MTFP1: variants seen among roughly 807,000 people sequenced by gnomAD.
The protein encoded by MTFP1 is mitochondrial fission process protein 1.
A neutral mutation model predicts 17.1 loss-of-function variants in MTFP1; 19 were observed. The ratio of observed to expected loss-of-function variants is 1.11; its 90% CI spans 0.77 to 1.63. The LOEUF is 1.63. Ranked by LOEUF, MTFP1 falls within the 40% of genes most tolerant of loss-of-function variation. The pLI, the probability that MTFP1 is intolerant of heterozygous loss-of-function variation, is 0.00. For missense variants in MTFP1, 221 were observed against 226.2 expected, an observed-to-expected ratio of 0.98 and a Z score of 0.15; for synonymous variants, 89 against 95.2, an observed-to-expected ratio of 0.93 and a Z score of 0.38.
rs201644368 is a variant in MTFP1 at position 30,428,416 on chromosome 22, A to G, written c.429-46A>G. 1,707 of 1,559,666 alleles carry G rather than the reference A, an allele frequency of 1.1e-3. 7 individuals carry two copies. Among genetic ancestry groups the G allele is most frequent in the Non-Finnish European group, 5.7e-4 (646 of 1,132,914 alleles). On this transcript the variant is annotated intron_variant, in intron 3 of 3. Transcript: ENST00000266263. ...CTGGCCTTCTGCCTTCTGTTCCCTCATGAACACCCTTGGTCACCTGCTCAC... is the reference window on the plus strand; with the variant it reads ...CTGGCCTTCTGCCTTCTGTTCCCTCGTGAACACCCTTGGTCACCTGCTCAC...
chr22:30,427,525 C>A, intron 3 of MTFP1, 122 bp downstream of exon 3: 1 of 1,078,390 alleles, frequency 9.3e-7, no homozygotes. Context: ...GGAGCAATAG[C>A]AGGGACAAGG....
chr22:30,426,811 G>A lies in MTFP1; in HGVS notation c.162G>A (p.Ala54=), dbSNP rs570940932. The part of the protein sequence containing the change: ...SYGVASSYVL[A]DAIDKGKKAG... ...GCGTGGCCAGCTCCTACGTGCTGGCGGATGCCATTGACAAAGGCAAGAAGG... is the reference window on the plus strand; with the variant it reads ...GCGTGGCCAGCTCCTACGTGCTGGCAGATGCCATTGACAAAGGCAAGAAGG... The change falls in exon 2 of 4, where the codon GCG becomes GCA. Residue 54 remains alanine, a synonymous_variant. Transcript: ENST00000266263. 6.8e-6 allele frequency: 11 copies of A among 1,613,120 alleles called. No homozygotes were observed. The East Asian group carries it at 1.6e-4, about 23-fold the overall frequency.
In MTFP1 at chr22:30,428,672, T is replaced by TA. The variant is rs149958301; in HGVS notation, c.*139dup. 1.5e-3 allele frequency: 2,456 copies of TA among 1,614,050 alleles called. 28 individuals are homozygous for TA. The African/African-American group carries it at 0.027, about 18-fold the overall frequency. The stretch of plus-strand genomic sequence containing the variant: ...GGTGGGTTTGAGCTGGACAGAAGCT[T>TA]AGAGACAAAGGCTTCAAGAAGCAGT... On this transcript the variant is annotated 3_prime_UTR_variant, in exon 4 of 4. Transcript: ENST00000266263.
At chr22:30,427,926 C>G (rs1934701141) in intron 3 of MTFP1, among the ~76,000 whole-genome samples, 1 of 152,172 alleles carries the variant, frequency 6.6e-6, no homozygotes, top group Admixed American at 6.5e-5. Flanking sequence ...CCTGCTTTCT[C>G]CTTGTGGGAG....
At position 30,425,949 on chromosome 22, in the gene MTFP1, G is replaced by T. The variant is rs1393811940; in HGVS notation, c.67+3G>T. The T allele has an allele frequency of 1.3e-6, 2 of 1,512,176 alleles. No individual in the cohort carries two copies. The highest frequency in any genetic ancestry group is 2.2e-5 in the Admixed American group (1 of 45,536). The allele number at this position is 1,512,176 out of a possible 1,614,324, so 93.7% of individuals were successfully genotyped here. The stretch of plus-strand genomic sequence containing the variant: ...GGACACGTGGGTGCGATACCTGGGT[G>T]AGCGCGGGGCGACGGGCGCGGCGAC... On this transcript the variant is annotated splice_donor_region_variant and intron_variant, in intron 1 of 3. Transcript: ENST00000266263.
chr22:30,427,236 G>A lies in MTFP1; in HGVS notation c.261G>A (p.Trp87Ter). 6.2e-7 allele frequency: 1 copy of A among 1,614,030 alleles called. No individual in the cohort carries two copies. The highest frequency in any genetic ancestry group is 8.5e-7 in the Non-Finnish European group (1 of 1,180,026). ...TGGCTGTGGTGGACACCTTTGTATG[G>A]CAGGCTCTAGCCTCTGTGGCCATTC... ...VTVAVVDTFVWQALASVAIPG... is the reference protein window; with the variant it reads ...VTVAVVDTFV The change falls in exon 3 of 4, where the codon TGG becomes TGA. Residue 87 changes from tryptophan to a stop codon, truncating the protein, a stop_gained. Transcript: ENST00000266263. LOFTEE classifies it high-confidence loss of function.
At chr22:30,427,464 G>T in intron 3 of MTFP1, 61 bp downstream of exon 3, 1 of 1,502,476 alleles carries the variant, frequency 6.7e-7, no homozygotes. Flanking sequence ...GGATCATCCA[G>T]TCTCCAGGTA....
chr22:30,426,296 CA>C (rs1440998541), intron 1 of MTFP1, among the ~76,000 whole-genome samples: 1 of 152,166 alleles, frequency 6.6e-6, no homozygotes, highest in Non-Finnish European at 1.5e-5. Flanking sequence ...AAACAAAAAA[CA>C]AACGAGATAC....
In MTFP1 at chr22:30,428,374, C is replaced by T. The variant is rs544241660; in HGVS notation, c.429-88C>T. ...ATGGCATTTGTATCCTGCATCTAAGCGCCCCTTTCCCTAACCCTGGCCTTC... is the reference window on the plus strand; with the variant it reads ...ATGGCATTTGTATCCTGCATCTAAGTGCCCCTTTCCCTAACCCTGGCCTTC... On this transcript the variant is annotated intron_variant, in intron 3 of 3. Transcript: ENST00000266263. The T allele has an allele frequency of 2.1e-4, 230 of 1,117,562 alleles. 1 individual carries two copies. Among genetic ancestry groups the T allele is most frequent in the South Asian group, 1.7e-4 (12 of 70,172 alleles). 69.2% of individuals were successfully genotyped at this position (1,117,562 alleles called of 1,614,324 possible). A position where few individuals can be genotyped will look rare whatever the true frequency, so the allele number is the denominator to read the frequency against.
chr22:30,425,781 C>CTT lies in MTFP1; in HGVS notation c.-97_-96dup. On this transcript the variant is annotated 5_prime_UTR_variant, in exon 1 of 4. Transcript: ENST00000266263. ...TCCTGACCTGTCCTTCGGCGCGGGACTTTCGGCGGGTCCCGGCCGGGCAGA... is the reference window on the plus strand; with the variant it reads ...TCCTGACCTGTCCTTCGGCGCGGGACTTTTTCGGCGGGTCCCGGCCGGGCAGA... The CTT allele has an allele frequency of 1.6e-6, 2 of 1,289,560 alleles. No homozygotes were observed. The highest frequency in any genetic ancestry group is 2.1e-6 in the Non-Finnish European group (2 of 967,886). 79.9% of individuals were successfully genotyped at this position (1,289,560 alleles called of 1,614,324 possible).
intron 3 of MTFP1, among the ~76,000 whole-genome samples, 166 bp downstream of exon 3, chr22:30,427,569 C>G (rs1363072372): frequency 6.6e-6 from 1 of 152,126 alleles, no homozygotes; most frequent in East Asian, 1.9e-4. Flanking sequence ...AAAGGACAGC[C>G]TGTACCCTTG....
chr22:30,428,503 A>T lies in MTFP1; in HGVS notation c.470A>T (p.Tyr157Phe). The T allele has an allele frequency of 6.2e-7, 1 of 1,613,876 alleles. No homozygotes were observed. ...FLLDSSLRKLYPTVGKPSSS is the reference protein window; with the variant it reads ...FLLDSSLRKLFPTVGKPSSS ...CTGGACTCCAGCCTGCGCAAGCTCTACCCAACAGTGGGGAAGCCCAGCTCC... is the reference window on the plus strand; with the variant it reads ...CTGGACTCCAGCCTGCGCAAGCTCTTCCCAACAGTGGGGAAGCCCAGCTCC... The change falls in exon 4 of 4, where the codon TAC becomes TTC. Residue 157 changes from tyrosine to phenylalanine, a missense_variant. Coordinates refer to ENST00000266263, the MANE Select transcript of MTFP1 (RefSeq NM_016498.5).
rs75751390 is a variant in MTFP1, at chr22:30,427,261, C to G, written c.286C>G (p.Pro96Ala). The change falls in exon 3 of 4, where the codon CCG (proline) becomes GCG (alanine). Residue 96 changes from proline to alanine, a missense_variant. Pro to Ala is a conservative substitution (Grantham distance 27). Transcript: ENST00000266263. ...GCAGGCTCTAGCCTCTGTGGCCATT[C>G]CGGGCTTCACCATCAACCGCGTGTG... is the stretch of plus-strand genomic sequence containing the variant. ...VWQALASVAIPGFTINRVCAA... is the reference protein window; with the variant it reads ...VWQALASVAIAGFTINRVCAA... 2.0e-5 allele frequency: 32 copies of G among 1,614,062 alleles called. No homozygotes were observed. In the East Asian group the frequency reaches 7.1e-4, roughly 36 times the overall value.
At chr22:30,426,134 C>T (rs912542992) in intron 1 of MTFP1, among the ~76,000 whole-genome samples, 188 bp downstream of exon 1, 3 of 152,194 alleles carry the variant, frequency 2.0e-5, no homozygotes, top group African/African-American at 7.2e-5. Flanking sequence ...GTGGGTCGCC[C>T]AGGGCGGAAG....
In MTFP1 at chr22:30,425,769, T is replaced by A; in HGVS notation, c.-111T>A. ...CTGGCGGAGATTTCCTGACCTGTCC[T>A]TCGGCGCGGGACTTTCGGCGGGTCC... is the stretch of plus-strand genomic sequence containing the variant. On this transcript the variant is annotated 5_prime_UTR_variant, in exon 1 of 4. Coordinates refer to ENST00000266263, the MANE Select transcript of MTFP1 (RefSeq NM_016498.5). 3 of 1,168,544 alleles carry A rather than the reference T, an allele frequency of 2.6e-6. No homozygotes were observed. Among genetic ancestry groups the A allele is most frequent in the Non-Finnish European group, 3.5e-6 (3 of 862,060 alleles). The allele number at this position is 1,168,544 out of a possible 1,614,324, so 72.4% of individuals were successfully genotyped here. A position where few individuals can be genotyped will look rare whatever the true frequency, so the allele number is the denominator to read the frequency against.
rs201155573 is a variant in MTFP1, at chr22:30,427,231, G to T, written c.256G>T (p.Val86Leu). The T allele has an allele frequency of 3.9e-5, 63 of 1,614,086 alleles. No homozygotes were observed. The East Asian group carries it at 1.4e-3, about 35-fold the overall frequency. ...GACTGTGGCTGTGGTGGACACCTTT[G>T]TATGGCAGGCTCTAGCCTCTGTGGC... Reference protein sequence around the residue: ...RVTVAVVDTFVWQALASVAIP... With the variant: ...RVTVAVVDTFLWQALASVAIP... Residue 86 changes from valine (V) to leucine (L), a missense_variant, in exon 3 of 4, where the codon GTA (valine) becomes TTA (leucine). Val to Leu is a conservative substitution (Grantham distance 32). Transcript: ENST00000266263.
At position 30,426,750 on chromosome 22, in the gene MTFP1, C is replaced by G. The variant is rs149417550; in HGVS notation, c.101C>G (p.Ser34Cys). 3.7e-6 allele frequency: 6 copies of G among 1,614,126 alleles called. No individual in the cohort carries two copies. In the Admixed American group the frequency reaches 1.0e-4, roughly 27 times the overall value. The change falls in exon 2 of 4, where the codon TCT (serine) becomes TGT (cysteine). Residue 34 changes from serine (S) to cysteine (C), a missense_variant. Coordinates refer to ENST00000266263, the MANE Select transcript of MTFP1 (RefSeq NM_016498.5). ...AATGAGGTGGGCGAGGCTTTCCGCT[C>G]TCTTGTGCCAGCGGCGGTGGTGTGG... is the stretch of plus-strand genomic sequence containing the variant. Reference protein sequence around the residue: ...YANEVGEAFRSLVPAAVVWLS... With the variant: ...YANEVGEAFRCLVPAAVVWLS...
In MTFP1 at chr22:30,425,899, G is replaced by T. The variant is rs1227391341; in HGVS notation, c.20G>T (p.Arg7Leu). The change falls in exon 1 of 4, where the codon CGG becomes CTG. Residue 7 changes from arginine to leucine, a missense_variant. Physicochemically the swap from Arg to Leu is moderately radical, Grantham distance 102. Transcript: ENST00000266263. MSEPQP[R>L]GAERDLYRDT... Reference sequence around the variant, plus strand: ...AGAGTCATGTCAGAGCCGCAGCCGCGGGGCGCAGAGCGCGATCTCTACCGG... The same window carrying T: ...AGAGTCATGTCAGAGCCGCAGCCGCTGGGCGCAGAGCGCGATCTCTACCGG... The T allele has an allele frequency of 3.3e-6, 5 of 1,533,306 alleles. No homozygotes were observed. Among genetic ancestry groups the T allele is most frequent in the Non-Finnish European group, 4.4e-6 (5 of 1,140,764 alleles). The allele number at this position is 1,533,306 out of a possible 1,614,324, so 95.0% of individuals were successfully genotyped here.
In MTFP1 at chr22:30,426,823, C is replaced by T. The variant is rs776316084; in HGVS notation, c.174C>T (p.Asp58=). ...ASSYVLADAI[D]KGKKAGEVPS... ...CCTACGTGCTGGCGGATGCCATTGA[C>T]AAAGGCAAGAAGGCTGGAGAGGTGA... The change falls in exon 2 of 4, where the codon GAC becomes GAT. Residue 58 remains aspartate, a synonymous_variant. Transcript: ENST00000266263. 2 of 1,612,610 alleles carry T rather than the reference C, an allele frequency of 1.2e-6. No individual in the cohort carries two copies. Among genetic ancestry groups the T allele is most frequent in the South Asian group, 2.2e-5 (2 of 91,072 alleles).
Sources: allele counts gnomAD v4.1 joint callset (sites outside exome capture counted in the v4.1 genomes callset), GRCh38; gene constraint gnomAD v4.1.1; transcripts MANE v1.5; gene names NCBI Gene and HGNC (gene_info 2026-07-23, HGNC 2026-07-21).